LRMDA: variants seen among roughly 807,000 people sequenced by gnomAD.
LRMDA encodes the protein leucine-rich melanocyte differentiation-associated protein.
Under a neutral mutation model 29.8 loss-of-function variants are expected in LRMDA, and 18 were observed. The ratio of observed to expected loss-of-function variants is 0.60; its 90% confidence interval spans 0.42 to 0.90. The LOEUF (loss-of-function observed/expected upper bound fraction) is 0.90. Among genes scored for constraint, LRMDA ranks in the 40% least tolerant of loss-of-function variants. The pLI, the probability that LRMDA is intolerant of heterozygous loss-of-function variation, is 0.00. For synonymous variants in LRMDA, 125 were observed against 109.4 expected (o/e 1.14, Z -0.89); for missense variants, 273 against 273.9 (o/e 1.00, Z 0.02).
In LRMDA at chr10:75,491,281, C is replaced by G. The variant is rs532111488; in HGVS notation, c.131+52787C>G. Among the ~76,000 whole-genome samples, 6 of 152,248 alleles carry G rather than the reference C, an allele frequency of 3.9e-5. No homozygotes were observed. The South Asian group carries it at 1.2e-3, about 32-fold the overall frequency. The stretch of plus-strand genomic sequence containing the variant: ...TATATTATAAGGAAAGTATTTGTCA[C>G]TCGGACTCTCAGAATTGAATTTGCC... On this transcript the variant is annotated intron_variant, in intron 2 of 6. Coordinates refer to ENST00000611255, the MANE Select transcript of LRMDA (RefSeq NM_001305581.2).
chr10:75,518,000 G>A (rs1049871094), intron 2 of LRMDA, among the ~76,000 whole-genome samples: 15 of 152,138 alleles, frequency 9.9e-5, no homozygotes, highest in Admixed American at 4.6e-4. Context: ...TAGAAGTTAC[G>A]TTTATTGATT....
intron 2 of LRMDA, among the ~76,000 whole-genome samples, chr10:75,758,733 G>A (rs569185410): frequency 2.2e-4 from 34 of 152,234 alleles, no homozygotes; most frequent in African/African-American, 8.2e-4. Flanking sequence ...AAAAACAAGT[G>A]GATTCTTTTT....
chr10:76,011,296 A>G (rs1847773595), intron 2 of LRMDA, among the ~76,000 whole-genome samples: 1 of 152,194 alleles, frequency 6.6e-6, no homozygotes, highest in South Asian at 2.1e-4. Context: ...CAGTCAGGAA[A>G]GGGGTCTGCT....
intron 2 of LRMDA, among the ~76,000 whole-genome samples, chr10:75,458,089 T>C (rs1272922313): frequency 2.0e-5 from 3 of 152,184 alleles, no homozygotes; most frequent in African/African-American, 7.2e-5. Flanking sequence ...AAATATTGAG[T>C]AGGTCATTTA....
chr10:76,339,271 CAAAA>C (rs201555311), intron 6 of LRMDA, among the ~76,000 whole-genome samples: 2 of 116,358 alleles, frequency 1.7e-5, no homozygotes, highest in Non-Finnish European at 1.7e-5. Context: ...CCCCTCCTTC[CAAAA>C]AAAAAAAAAA....
intron 5 of LRMDA, among the ~76,000 whole-genome samples, chr10:76,149,448 T>A (rs1850396810): frequency 6.6e-6 from 1 of 152,204 alleles, no homozygotes; most frequent in African/African-American, 2.4e-5. Flanking sequence ...TATTTAAGGG[T>A]GTTGATCACA....
At chr10:75,981,830 G>A (rs562707296) in intron 2 of LRMDA, among the ~76,000 whole-genome samples, 18 of 137,248 alleles carry the variant, frequency 1.3e-4, no homozygotes, top group South Asian at 2.7e-4. Flanking sequence ...CCGGCCTGGC[G>A]ACAGAGCAAG....
At chr10:76,415,766 T>C (rs974281729) in intron 6 of LRMDA, among the ~76,000 whole-genome samples, 2 of 152,234 alleles carry the variant, frequency 1.3e-5, no homozygotes, top group Admixed American at 1.3e-4. Context: ...TCAGCCTGGC[T>C]GTCCTTTATT....
chr10:75,493,302 C>T (rs1295756588), intron 2 of LRMDA, among the ~76,000 whole-genome samples: 5 of 150,602 alleles, frequency 3.3e-5, no homozygotes, highest in Non-Finnish European at 7.4e-5. Context: ...CAAGTTTTGG[C>T]TCTTTGGGAT....
At chr10:75,884,245 T>TTGTGTGTGTGTGTGTGTGTGTG (rs57507869) in intron 2 of LRMDA, among the ~76,000 whole-genome samples, 1 of 109,510 alleles carries the variant, frequency 9.1e-6, no homozygotes, top group Admixed American at 9.3e-5. Flanking sequence ...GCAGGCGACT[T>TTGTGTGTGTGTGTGTGTGTGTG]TGTGTGTGTG....
intron 2 of LRMDA, among the ~76,000 whole-genome samples, chr10:76,033,335 C>T (rs116918048): frequency 5.5e-4 from 83 of 152,274 alleles, no homozygotes; most frequent in Non-Finnish European, 9.7e-4. Flanking sequence ...CAGCTAATAA[C>T]GTCACATAGC....
intron 5 of LRMDA, among the ~76,000 whole-genome samples, chr10:76,222,912 T>G (rs1321961303): frequency 6.6e-6 from 1 of 152,112 alleles, no homozygotes; most frequent in African/African-American, 2.4e-5. Context: ...GTGGCACATA[T>G]ACACCATGGA....
rs117198216 is a variant in LRMDA, at chr10:76,284,219, A to T, written c.517-40182A>T. Among the ~76,000 whole-genome samples the T allele has an allele frequency of 3.5e-3, 526 of 152,314 alleles. 26 individuals carry two copies. The East Asian group carries it at 0.076, about 22-fold the overall frequency. ...ACTTTGCAGGTGTGATTAAAAAATC[A>T]TAAATTGTGGAGGTTATTCTGCATT... On this transcript the variant is annotated intron_variant, in intron 5 of 6. Transcript: ENST00000611255.
At chr10:76,494,423 C>A (rs930329548) in intron 6 of LRMDA, among the ~76,000 whole-genome samples, 3 of 149,672 alleles carry the variant, frequency 2.0e-5, no homozygotes, top group Non-Finnish European at 4.4e-5. Flanking sequence ...AAATTGTTTA[C>A]AATGTCCCCT....
At chr10:75,818,345 G>C (rs1844096179) in intron 2 of LRMDA, among the ~76,000 whole-genome samples, 1 of 152,120 alleles carries the variant, frequency 6.6e-6, no homozygotes, top group African/African-American at 2.4e-5. Context: ...AATCATAACT[G>C]TCATATGTCA....
intron 2 of LRMDA, among the ~76,000 whole-genome samples, chr10:75,841,281 T>C (rs1844536620): frequency 6.6e-6 from 1 of 152,230 alleles, no homozygotes; most frequent in African/African-American, 2.4e-5. Flanking sequence ...ACATGTGTCC[T>C]TAAAGGCCTT....
In LRMDA at chr10:76,047,390, A is replaced by T. The variant is rs899256649; in HGVS notation, c.398+87A>T. ...TATTATACTCTGGGGTGCATAGTAG[A>T]TGTTTGGTACATATCAGTGGGTTTC... On this transcript the variant is annotated intron_variant, in intron 4 of 6. Transcript: ENST00000611255. The T allele has an allele frequency of 1.6e-5, 22 of 1,342,824 alleles. No individual in the cohort carries two copies. The East Asian group carries it at 4.9e-4, about 30-fold the overall frequency. 83.2% of individuals were successfully genotyped at this position (1,342,824 alleles called of 1,614,324 possible). A position where few individuals can be genotyped will look rare whatever the true frequency, so the allele number is the denominator to read the frequency against.
chr10:76,449,353 A>G (rs982964436), intron 6 of LRMDA, among the ~76,000 whole-genome samples: 2 of 151,782 alleles, frequency 1.3e-5, no homozygotes, highest in Admixed American at 1.3e-4. Flanking sequence ...TATGTCCTTT[A>G]TATCTTCATT....
chr10:75,864,951 T>A (rs1460663116), intron 2 of LRMDA, among the ~76,000 whole-genome samples: 6 of 152,214 alleles, frequency 3.9e-5, no homozygotes, highest in African/African-American at 1.4e-4. Context: ...CCTTTCAGAA[T>A]GATTTATGAC....
Sources: allele counts gnomAD v4.1 joint callset (sites outside exome capture counted in the v4.1 genomes callset), GRCh38; gene constraint gnomAD v4.1.1; transcripts MANE v1.5; gene names NCBI Gene and HGNC (gene_info 2026-07-23, HGNC 2026-07-21).